The following MAD1L1 variants were observed in gnomAD, a reference collection of about 807,000 sequenced individuals.
The protein encoded by MAD1L1 is mitotic arrest deficient 1 like 1, also known as mitotic spindle assembly checkpoint protein MAD1.
Under a neutral mutation model 96.9 loss-of-function variants are expected in MAD1L1, and 95 were observed. The observed-to-expected ratio is 0.98, with a 90% CI of 0.83 to 1.16. The LOEUF (loss-of-function observed/expected upper bound fraction) is 1.16. Among genes scored for constraint, MAD1L1 ranks in the 50% most tolerant of loss-of-function variants. MAD1L1 has a pLI of 0.00. For missense variants in MAD1L1, 1,007 were observed against 954.4 expected (o/e 1.06, Z -0.73); for synonymous variants, 473 against 396.6 (o/e 1.19, Z -2.29).
At chr7:2,165,508 G>A (rs781742920) in intron 10 of MAD1L1, among the ~76,000 whole-genome samples, 2 of 132,644 alleles carry the variant, frequency 1.5e-5, no homozygotes, top group African/African-American at 2.9e-5. Flanking sequence ...GCTGCCTGCC[G>A]CACTCCAGCC....
At chr7:1,855,293 C>A (rs1019020426) in intron 18 of MAD1L1, among the ~76,000 whole-genome samples, 1 of 152,018 alleles carries the variant, frequency 6.6e-6, no homozygotes, top group African/African-American at 2.4e-5. Flanking sequence ...GCGGGCCACA[C>A]CCTAGGGTTC....
chr7:2,149,856 T>C (rs1387258127), intron 10 of MAD1L1, among the ~76,000 whole-genome samples: 2 of 152,222 alleles, frequency 1.3e-5, no homozygotes, highest in Non-Finnish European at 2.9e-5. Flanking sequence ...AACTCAACGC[T>C]GGGACTCCGG....
rs1303987583 is a variant in MAD1L1 at position 2,142,133 on chromosome 7, C to T, written c.1073+7019G>A. Among the ~76,000 whole-genome samples the T allele has an allele frequency of 6.6e-6, 1 of 152,220 alleles. No homozygotes were observed. The highest frequency in any genetic ancestry group is 1.5e-5 in the Non-Finnish European group (1 of 68,036). The stretch of plus-strand genomic sequence containing the variant: ...TCCCTCACATTTCCCCAAAAACCCG[C>T]TCACTGGGGCTATCCTACAGACAGA... On this transcript the variant is annotated intron_variant, in intron 11 of 18. Transcript: ENST00000265854. The surrounding 1 kb of genome is among the most constrained non-coding windows in gnomAD (Gnocchi z 4.7).
At chr7:1,865,675 G>C (rs980868422) in intron 18 of MAD1L1, among the ~76,000 whole-genome samples, 1 of 152,242 alleles carries the variant, frequency 6.6e-6, no homozygotes, top group Non-Finnish European at 1.5e-5. Context: ...AAGATCCCTT[G>C]AGGAATGCCT....
chr7:1,836,867 A>G (rs6947937), intron 18 of MAD1L1, among the ~76,000 whole-genome samples: 55,166 of 151,984 alleles, frequency 0.36, 10,249 homozygotes, highest in Non-Finnish European at 0.42. Flanking sequence ...AACTTCTAGA[A>G]GAAAAAAAAA....
At chr7:1,919,942 T>C (rs2128455852) in intron 17 of MAD1L1, among the ~76,000 whole-genome samples, 1 of 152,064 alleles carries the variant, frequency 6.6e-6, no homozygotes, top group East Asian at 1.9e-4. Flanking sequence ...GAGTCAGCCT[T>C]ACCCACACCC....
intron 18 of MAD1L1, among the ~76,000 whole-genome samples, chr7:1,841,928 A>T (rs35375366): frequency 0.35 from 53,408 of 152,006 alleles, 9,834 homozygotes; most frequent in Non-Finnish European, 0.42. Flanking sequence ...AGCCAGGCAC[A>T]ATCACGCCGT....
intron 18 of MAD1L1, among the ~76,000 whole-genome samples, chr7:1,832,449 CA>C (rs1782743627): frequency 6.7e-6 from 1 of 148,268 alleles, no homozygotes; most frequent in African/African-American, 2.5e-5. Context: ...AAAATGACAG[CA>C]AAGTACATCA....
chr7:1,831,007 A>G (rs1024671117), intron 18 of MAD1L1, among the ~76,000 whole-genome samples: 1 of 152,280 alleles, frequency 6.6e-6, no homozygotes, highest in African/African-American at 2.4e-5. Context: ...GCACATTTTA[A>G]CTATGAAGAC....
At chr7:1,842,013 C>G (rs1322870859) in intron 18 of MAD1L1, among the ~76,000 whole-genome samples, 1 of 152,210 alleles carries the variant, frequency 6.6e-6, no homozygotes, top group Non-Finnish European at 1.5e-5. Context: ...CGCCACTTAC[C>G]CTCCGGCGTC....
intron 18 of MAD1L1, among the ~76,000 whole-genome samples, chr7:1,827,910 C>CA (rs1479818369): frequency 6.6e-6 from 1 of 152,228 alleles, no homozygotes; most frequent in Non-Finnish European, 1.5e-5. Context: ...TCTCACCTCC[C>CA]ACCCAGGCGA....
intron 16 of MAD1L1, among the ~76,000 whole-genome samples, chr7:1,943,075 C>G (rs970785451): frequency 4.6e-5 from 7 of 152,130 alleles, no homozygotes; most frequent in African/African-American, 1.7e-4. Flanking sequence ...CTGGCGCATG[C>G]CAAAGAATGA....
intron 13 of MAD1L1, among the ~76,000 whole-genome samples, chr7:2,009,789 C>A (rs1180018603): frequency 1.3e-5 from 2 of 152,202 alleles, no homozygotes; most frequent in African/African-American, 4.8e-5. Flanking sequence ...GAGGACAGAG[C>A]CTGCCCTGGG....
intron 17 of MAD1L1, among the ~76,000 whole-genome samples, chr7:1,933,674 T>C (rs1562536544): frequency 6.6e-6 from 1 of 152,246 alleles, no homozygotes; most frequent in Non-Finnish European, 1.5e-5. Flanking sequence ...GCGGCCGACC[T>C]GGGTACTGCA....
intron 18 of MAD1L1, chr7:1,872,547 G>C (rs1042299273): frequency 1.3e-5 from 2 of 152,290 alleles, no homozygotes; most frequent in Non-Finnish European, 2.9e-5. Context: ...AGCTGAACGA[G>C]AGGCCTTTCT....
chr7:1,983,136 GCGCGCGCGCGCGCGCGCGCA>G (rs1309059277), intron 14 of MAD1L1, among the ~76,000 whole-genome samples: 5 of 130,392 alleles, frequency 3.8e-5, no homozygotes, highest in African/African-American at 1.5e-4. Context: ...CCACAGACGC[GCGCGCGCGCGCGCGCGCGCA>G]CACACACACA....
intron 17 of MAD1L1, among the ~76,000 whole-genome samples, chr7:1,904,767 A>G (rs10264319): frequency 7.9e-6 from 1 of 125,836 alleles, no homozygotes; most frequent in Non-Finnish European, 1.6e-5. Flanking sequence ...GCAAGCACGC[A>G]GTGGCCTATT....
chr7:2,021,969 T>C (rs533077006), intron 12 of MAD1L1, among the ~76,000 whole-genome samples: 59 of 151,794 alleles, frequency 3.9e-4, no homozygotes, highest in Non-Finnish European at 8.2e-4. Flanking sequence ...TCATCTGTTT[T>C]TTTCGAGACA....
intron 15 of MAD1L1, 42 bp downstream of exon 15, chr7:1,980,411 G>C: frequency 6.4e-7 from 1 of 1,559,914 alleles, no homozygotes; most frequent in African/African-American, 1.4e-5. Flanking sequence ...CCTCTCTGGG[G>C]GACACACCTG....
Sources: allele counts gnomAD v4.1 joint callset (sites outside exome capture counted in the v4.1 genomes callset), GRCh38; gene constraint gnomAD v4.1.1; non-coding constraint Gnocchi (gnomAD v3.1); transcripts MANE v1.5; gene names NCBI Gene and HGNC (gene_info 2026-07-23, HGNC 2026-07-21).